Variants in GAD2 observed in about 807,000 individuals in gnomAD.
GAD2 encodes the protein glutamate decarboxylase 2.
In GAD2, 22 loss-of-function variants were observed where a neutral mutation model predicts 80.1. That is an observed-to-expected ratio of 0.27 (90% CI 0.20 to 0.39). GAD2 has a LOEUF of 0.39. Ranked by LOEUF, GAD2 falls within the 10% of genes least tolerant of loss-of-function variation. GAD2 has a pLI of 1.00. For synonymous variants in GAD2, 274 were observed against 256.9 expected (o/e 1.07, Z -0.64); for missense variants, 624 against 738.4 (o/e 0.85, Z 1.80).
rs774384050 is a variant in GAD2, at chr10:26,217,687, G to C, written c.136+18G>C. On this transcript the variant is annotated intron_variant, in intron 2 of 15. Transcript: ENST00000376261. This position sits in a 1 kb window ranked among gnomAD's most constrained non-coding sequence, Gnocchi z 4.9. ...ACTGTGCGGTGAGTGCCCAGGGACC[G>C]GGGCGGCCAAGGTCGGCCCGCGGGG... is the stretch of plus-strand genomic sequence containing the variant. The C allele has an allele frequency of 6.8e-6, 11 of 1,612,272 alleles. No individual in the cohort carries two copies. The highest frequency in any genetic ancestry group is 1.1e-5 in the South Asian group (1 of 90,734).
At position 26,217,958 on chromosome 10, in the gene GAD2, G is replaced by A; in HGVS notation, c.253G>A (p.Val85Met). ...CDQKPCSCSK[V>M]DVNYAFLHAT... ...CCAGAAGCCCTGCAGCTGCTCCAAA[G>A]TGGATGTCAACTACGCGTTTCTCCA... Residue 85 changes from valine (V) to methionine (M), a missense_variant, in exon 3 of 16, where the codon GTG becomes ATG. Transcript: ENST00000376261. The surrounding 1 kb of genome is among the most constrained non-coding windows in gnomAD (Gnocchi z 4.9). The A allele has an allele frequency of 6.2e-7, 1 of 1,611,860 alleles. No individual in the cohort carries two copies. Among genetic ancestry groups the A allele is most frequent in the Non-Finnish European group, 8.5e-7 (1 of 1,179,124 alleles).
Position 26,280,427 on chromosome 10 carries a change from C to G in GAD2, c.1158-582C>G, listed in dbSNP as rs147070658. ...TATGTAAGATGAACACTGGTTTGGT[C>G]TGGAAAGGAAGGACAACTCGAACTG... On this transcript the variant is annotated intron_variant, in intron 11 of 15. Coordinates refer to ENST00000376261, the MANE Select transcript of GAD2 (RefSeq NM_001134366.2). 5.9e-5 allele frequency among the ~76,000 whole-genome samples: 9 copies of G among 152,194 alleles called. No homozygotes were observed. The East Asian group carries it at 1.7e-3, about 29-fold the overall frequency.
intron 11 of GAD2, among the ~76,000 whole-genome samples, chr10:26,278,158 G>A (rs1376274987): frequency 6.6e-6 from 1 of 152,088 alleles, no homozygotes; most frequent in African/African-American, 2.4e-5. Context: ...AAGACAAATA[G>A]GCCCCCACGT....
intron 7 of GAD2, among the ~76,000 whole-genome samples, chr10:26,240,354 A>G (rs1182131421): frequency 3.3e-5 from 5 of 152,132 alleles, no homozygotes; most frequent in African/African-American, 1.2e-4. Flanking sequence ...AAGCCTGCTT[A>G]TTTTTTTAAT....
chr10:26,265,326 C>T (rs115307960), intron 8 of GAD2, among the ~76,000 whole-genome samples: 1,680 of 152,076 alleles, frequency 0.011, 25 homozygotes, highest in African/African-American at 0.038. Flanking sequence ...GCCTCAGCCA[C>T]CCGAAGTAGC....
At chr10:26,254,548 C>T (rs144956201) in intron 8 of GAD2, among the ~76,000 whole-genome samples, 20 of 152,284 alleles carry the variant, frequency 1.3e-4, no homozygotes, top group African/African-American at 4.8e-4. Context: ...GAGAGAGAAC[C>T]TGGCTTGTTC....
rs1176792394 is a variant in GAD2, at chr10:26,217,617, C to G, written c.84C>G (p.Ala28=). The part of the protein sequence containing the change: ...GDSENPGTAR[A]WCQVAQKFTG... The stretch of plus-strand genomic sequence containing the variant: ...GCCTATTCTTCCTTGCAGCGCGAGC[C>G]TGGTGCCAAGTGGCTCAGAAGTTCA... The change falls in exon 2 of 16, where the codon GCC becomes GCG. Residue 28 remains alanine (A), a synonymous_variant. Coordinates refer to ENST00000376261, the MANE Select transcript of GAD2 (RefSeq NM_001134366.2). This position sits in a 1 kb window ranked among gnomAD's most constrained non-coding sequence, Gnocchi z 4.9. 2 of 1,613,148 alleles carry G rather than the reference C, an allele frequency of 1.2e-6. No individual in the cohort carries two copies. The highest frequency in any genetic ancestry group is 1.7e-6 in the Non-Finnish European group (2 of 1,179,614).
intron 15 of GAD2, among the ~76,000 whole-genome samples, chr10:26,299,549 A>G (rs1182440082): frequency 6.6e-6 from 1 of 152,230 alleles, no homozygotes; most frequent in Non-Finnish European, 1.5e-5. Flanking sequence ...AGCTGTTTCT[A>G]TTATGCTACT....
chr10:26,285,705 A>G (rs1433522033), intron 12 of GAD2, among the ~76,000 whole-genome samples: 2 of 152,116 alleles, frequency 1.3e-5, no homozygotes, highest in Non-Finnish European at 2.9e-5. Context: ...ACCACTCTTG[A>G]GAGAGGAATA....
At chr10:26,240,354 A>AT (rs888268754) in intron 7 of GAD2, among the ~76,000 whole-genome samples, 1 of 152,132 alleles carries the variant, frequency 6.6e-6, no homozygotes, top group African/African-American at 2.4e-5. Context: ...AAGCCTGCTT[A>AT]TTTTTTTAAT....
intron 13 of GAD2, among the ~76,000 whole-genome samples, chr10:26,288,598 T>C (rs1374650503): frequency 6.6e-6 from 1 of 152,178 alleles, no homozygotes; most frequent in Admixed American, 6.5e-5. Flanking sequence ...TTTCATTTCA[T>C]TGATTGGTGG....
At chr10:26,250,149 G>A (rs1844861103) in intron 8 of GAD2, among the ~76,000 whole-genome samples, 1 of 151,914 alleles carries the variant, frequency 6.6e-6, no homozygotes, top group Non-Finnish European at 1.5e-5. Flanking sequence ...TAGTAGATGG[G>A]ACTACAGGCC....
intron 6 of GAD2, 143 bp from the exon 7 acceptor site, chr10:26,229,519 C>T: frequency 4.8e-6 from 3 of 619,318 alleles, no homozygotes; most frequent in African/African-American, 3.7e-5. Flanking sequence ...GCCTTTGAGT[C>T]TGAGGATTCA....
intron 15 of GAD2, 118 bp downstream of exon 15, chr10:26,293,109 C>T (rs1834236813): frequency 9.4e-6 from 7 of 744,350 alleles, no homozygotes; most frequent in Admixed American, 2.1e-5. Context: ...TGGGCCCATT[C>T]CCGTCTGTGG....
chr10:26,229,173 G>A (rs1377224387), intron 6 of GAD2, among the ~76,000 whole-genome samples: 1 of 149,056 alleles, frequency 6.7e-6, no homozygotes, highest in African/African-American at 2.5e-5. Flanking sequence ...CAGCCTGGGC[G>A]ACAGAGTGAG....
intron 15 of GAD2, among the ~76,000 whole-genome samples, chr10:26,298,136 A>G (rs927291227): frequency 1.1e-4 from 16 of 152,150 alleles, no homozygotes; most frequent in African/African-American, 3.9e-4. Flanking sequence ...CTGGTTAGTA[A>G]ATCAGGGTAA....
At chr10:26,250,602 G>A (rs1018719076) in intron 8 of GAD2, among the ~76,000 whole-genome samples, 15 of 152,084 alleles carry the variant, frequency 9.9e-5, no homozygotes, top group African/African-American at 3.1e-4. Context: ...TAAGGCCTAC[G>A]AGAAAAAAGT....
At chr10:26,286,600 C>T (rs1322427207) in intron 13 of GAD2, 106 bp downstream of exon 13, 5 of 1,181,394 alleles carry the variant, frequency 4.2e-6, no homozygotes, top group Non-Finnish European at 5.7e-6. Flanking sequence ...AATTTCCTTA[C>T]CCAAGATTTG....
At chr10:26,287,973 G>T (rs1834166123) in intron 13 of GAD2, among the ~76,000 whole-genome samples, 1 of 152,162 alleles carries the variant, frequency 6.6e-6, no homozygotes, top group Non-Finnish European at 1.5e-5. Flanking sequence ...CCAGTGAATG[G>T]GTTCTTCCAC....
Sources: allele counts gnomAD v4.1 joint callset (sites outside exome capture counted in the v4.1 genomes callset), GRCh38; gene constraint gnomAD v4.1.1; non-coding constraint Gnocchi (gnomAD v3.1); transcripts MANE v1.5; gene names NCBI Gene and HGNC (gene_info 2026-07-23, HGNC 2026-07-21).